The following FBN1 variants were observed in gnomAD, a reference collection of about 807,000 sequenced individuals.
The protein encoded by FBN1 is fibrillin-1.
A neutral mutation model predicts 365.1 loss-of-function variants in FBN1; 29 were observed. That is an observed-to-expected ratio of 0.08 (90% CI 0.06 to 0.11). The LOEUF is 0.11. Ranked by LOEUF, FBN1 falls within the 10% of genes least tolerant of loss-of-function variation. The pLI, the probability that FBN1 is intolerant of heterozygous loss-of-function variation, is 1.00. For missense variants in FBN1, 2,476 were observed against 3,703.2 expected, an observed-to-expected ratio of 0.67 and a Z score of 8.60; for synonymous variants, 1,210 against 1,270.5, an observed-to-expected ratio of 0.95 and a Z score of 1.01.
rs962885105 is a variant in FBN1 at position 48,440,906 on chromosome 15, A to G, written c.6163+815T>C. Among the ~76,000 whole-genome samples the G allele has an allele frequency of 3.3e-5, 5 of 151,526 alleles. 1 individual carries two copies. The South Asian group carries it at 6.2e-4, about 19-fold the overall frequency. On this transcript the variant is annotated intron_variant, in intron 50 of 65. Transcript: ENST00000316623. ...AGCAAAACCAAAAAACCATGAAAAA[A>G]AAAAAAAACCCAACTCAACATCAAA...
chr15:48,418,402 T>C (rs532733201), intron 63 of FBN1, among the ~76,000 whole-genome samples: 70 of 152,362 alleles, frequency 4.6e-4, no homozygotes, highest in Non-Finnish European at 9.1e-4. Flanking sequence ...TCCCTGAGAA[T>C]TTAATAAAGT....
intron 6 of FBN1, among the ~76,000 whole-genome samples, chr15:48,557,520 G>A (rs1420951294): frequency 6.6e-6 from 1 of 152,176 alleles, no homozygotes; most frequent in East Asian, 1.9e-4. Context: ...AACCAGGTCA[G>A]CCAGAAGGGT....
At chr15:48,628,303 A>G (rs533998228) in intron 2 of FBN1, among the ~76,000 whole-genome samples, 2 of 152,104 alleles carry the variant, frequency 1.3e-5, no homozygotes, top group African/African-American at 2.4e-5. Context: ...TCTTGAAGAA[A>G]AAAAAAAAAA....
chr15:48,627,103 T>C (rs1566941265), intron 2 of FBN1, among the ~76,000 whole-genome samples: 2 of 152,248 alleles, frequency 1.3e-5, no homozygotes, highest in African/African-American at 4.8e-5. Context: ...GATTAGAGAT[T>C]AGAAAGATGT....
chr15:48,612,815 G>A (rs557634126), intron 3 of FBN1, among the ~76,000 whole-genome samples, 195 bp downstream of exon 3: 78 of 152,232 alleles, frequency 5.1e-4, no homozygotes, highest in African/African-American at 1.5e-3. Flanking sequence ...AAGTATCCCC[G>A]TGACTAAACT....
chr15:48,441,626 T>C, intron 50 of FBN1, 95 bp downstream of exon 50: 1 of 1,481,580 alleles, frequency 6.7e-7, no homozygotes, highest in South Asian at 1.1e-5. Flanking sequence ...CATCTTCCTG[T>C]TCACAAAGAA....
chr15:48,626,679 CTT>C (rs1456834783), intron 2 of FBN1, among the ~76,000 whole-genome samples: 1 of 151,584 alleles, frequency 6.6e-6, no homozygotes, highest in Non-Finnish European at 1.5e-5. Context: ...GAAATTAACA[CTT>C]CACAATATTA....
chr15:48,556,868 G>C (rs1365334276), intron 6 of FBN1, among the ~76,000 whole-genome samples: 1 of 152,136 alleles, frequency 6.6e-6, no homozygotes, highest in Non-Finnish European at 1.5e-5. Flanking sequence ...TTTTTTATCA[G>C]TGATATTTTT....
chr15:48,506,479 G>C (rs1566914388), intron 15 of FBN1, among the ~76,000 whole-genome samples: 1 of 152,174 alleles, frequency 6.6e-6, no homozygotes, highest in Admixed American at 6.5e-5. Flanking sequence ...TAGTTATTCT[G>C]GTCAACTTTT....
chr15:48,433,590 T>A (rs1276147153), intron 54 of FBN1, among the ~76,000 whole-genome samples: 1 of 152,174 alleles, frequency 6.6e-6, no homozygotes, highest in Non-Finnish European at 1.5e-5. Flanking sequence ...GGGAATGAGT[T>A]TACTGTTAAT....
In FBN1 at chr15:48,504,927, T is replaced by A. The variant is rs35464791; in HGVS notation, c.1960+98A>T. 194,868 of 1,489,364 alleles carry A rather than the reference T, an allele frequency of 0.13. 13,850 individuals are homozygous for A. Among genetic ancestry groups the A allele is most frequent in the Non-Finnish European group, 0.14 (146,897 of 1,067,964 alleles). The allele number at this position is 1,489,364 out of a possible 1,614,324, so 92.3% of individuals were successfully genotyped here. A position where few individuals can be genotyped will look rare whatever the true frequency, so the allele number is the denominator to read the frequency against. On this transcript the variant is annotated intron_variant, in intron 16 of 65. Coordinates refer to ENST00000316623, the MANE Select transcript of FBN1 (RefSeq NM_000138.5). ...TGTTGCTCTGCAAATATTCTTTATA[T>A]CTTATCTGCTACAGTAGAGAGCGTT...
chr15:48,523,719 G>GT (rs61070528), intron 9 of FBN1, among the ~76,000 whole-genome samples: 1 of 149,944 alleles, frequency 6.7e-6, no homozygotes, highest in Non-Finnish European at 1.5e-5. Context: ...CTGGGGGGGG[G>GT]GGGGAACCGT....
intron 6 of FBN1, among the ~76,000 whole-genome samples, chr15:48,564,537 C>T (rs905770655): frequency 6.6e-5 from 10 of 151,690 alleles, no homozygotes; most frequent in Admixed American, 6.6e-5. Context: ...ATATCTTTGC[C>T]TTCTCAAATG....
At chr15:48,420,914 C>T (rs898069992) in intron 62 of FBN1, 108 bp from the exon 63 acceptor site, 21 of 1,280,926 alleles carry the variant, frequency 1.6e-5, no homozygotes, top group Admixed American at 3.7e-5. Context: ...ATTATTCTAC[C>T]ACCAAAAACT....
In FBN1 at chr15:48,411,061, A is replaced by T. The variant is rs2042856906; in HGVS notation, c.8545T>A (p.Tyr2849Asn). Residue 2849 changes from tyrosine (Y) to asparagine (N), a missense_variant, in exon 66 of 66, where the codon TAT becomes AAT. This residue lies in a region of FBN1 where 177 missense variants were observed against 192.7 expected (regional missense o/e 0.92). Coordinates refer to ENST00000316623, the MANE Select transcript of FBN1 (RefSeq NM_000138.5). The part of the protein sequence containing the change: ...KKELNQLEDK[Y>N]DKDYLSGELG... ...TCACCACTGAGGTAGTCTTTGTCAT[A>T]TTTGTCTTCTAGTTGGTTAAGTTCT... is the stretch of plus-strand genomic sequence containing the variant. The T allele has an allele frequency of 1.2e-6, 2 of 1,613,822 alleles. No homozygotes were observed.
chr15:48,528,450 G>A (rs1032340519), intron 8 of FBN1, among the ~76,000 whole-genome samples: 2 of 152,194 alleles, frequency 1.3e-5, no homozygotes, highest in Admixed American at 6.5e-5. Context: ...ATGCAGGTAG[G>A]ACTGTGGGCC....
intron 6 of FBN1, among the ~76,000 whole-genome samples, chr15:48,582,285 G>A (rs2044399796): frequency 6.6e-6 from 1 of 152,180 alleles, no homozygotes; most frequent in South Asian, 2.1e-4. Flanking sequence ...ATGTTGAACA[G>A]AACAGAAATA....
At chr15:48,547,686 T>C (rs2044104690) in intron 6 of FBN1, among the ~76,000 whole-genome samples, 2 of 151,522 alleles carry the variant, frequency 1.3e-5, no homozygotes, top group African/African-American at 2.4e-5. Flanking sequence ...CTAATAGATA[T>C]GTGGTATATA....
intron 6 of FBN1, among the ~76,000 whole-genome samples, chr15:48,579,888 G>A (rs2044378014): frequency 6.6e-6 from 1 of 152,140 alleles, no homozygotes; most frequent in Non-Finnish European, 1.5e-5. Context: ...ATTGCCACTA[G>A]TATTAACTTC....
Sources: allele counts gnomAD v4.1 joint callset (sites outside exome capture counted in the v4.1 genomes callset), GRCh38; gene constraint gnomAD v4.1.1; regional missense constraint gnomAD v4.1.1; transcripts MANE v1.5; gene names NCBI Gene and HGNC (gene_info 2026-07-23, HGNC 2026-07-21).